The following ABCA7 variants were observed in gnomAD, a reference collection of about 807,000 sequenced individuals.
The protein encoded by ABCA7 is phospholipid-transporting ATPase ABCA7.
ABCA7 carries 261 observed loss-of-function variants against 227.6 expected under a neutral mutation model. The observed-to-expected ratio is 1.15, with a 90% CI of 1.04 to 1.27. ABCA7 has a LOEUF of 1.27. ABCA7 is among the 50% of genes most tolerant of loss of function. The pLI, the probability that ABCA7 is intolerant of heterozygous loss-of-function variation, is 0.00. For missense variants in ABCA7, 3,331 were observed against 2,924.5 expected (o/e 1.14, Z -3.21); for synonymous variants, 1,488 against 1,279.7 (o/e 1.16, Z -3.47).
Position 1,055,345 on chromosome 19 carries a change from G to T in ABCA7, c.4199G>T (p.Arg1400Leu), listed in dbSNP as rs145321888. The change falls in exon 30 of 47, where the codon CGC becomes CTC. Residue 1400 changes from arginine (R) to leucine (L), a missense_variant. Transcript: ENST00000263094. ...GTCAAGACCTACCCGCGCCTGGTGCGCCAGGGGTGAGCCATGCCCTGGGAC... is the reference window on the plus strand; with the variant it reads ...GTCAAGACCTACCCGCGCCTGGTGCTCCAGGGGTGAGCCATGCCCTGGGAC... ...FLVKTYPRLVRQGLKTKKWVN... is the reference protein window; with the variant it reads ...FLVKTYPRLVLQGLKTKKWVN... The T allele has an allele frequency of 1.9e-5, 30 of 1,582,192 alleles. No homozygotes were observed. Among genetic ancestry groups the T allele is most frequent in the Non-Finnish European group, 8.6e-7 (1 of 1,166,522 alleles).
Position 1,058,023 on chromosome 19 carries a change from C to T in ABCA7, c.4989C>T (p.Ser1663=). The change falls in exon 36 of 47, where the codon AGC becomes AGT. Residue 1663 remains serine, a synonymous_variant. Coordinates refer to ENST00000263094, the MANE Select transcript of ABCA7 (RefSeq NM_019112.4). The part of the protein sequence containing the change: ...CINLFIGING[S]MATFVLELFS... The stretch of plus-strand genomic sequence containing the variant: ...ACCTCTTTATTGGCATCAATGGAAG[C>T]ATGGCCACCTTTGTGCTTGAGCTCT... The T allele has an allele frequency of 6.2e-7, 1 of 1,614,162 alleles. No individual in the cohort carries two copies. The highest frequency in any genetic ancestry group is 2.2e-5 in the East Asian group (1 of 44,876).
chr19:1,064,208 A>G lies in ABCA7; in HGVS notation c.5999A>G (p.Asn2000Ser). 1 of 1,579,004 alleles carries G rather than the reference A, an allele frequency of 6.3e-7. No individual in the cohort carries two copies. The highest frequency in any genetic ancestry group is 8.6e-7 in the Non-Finnish European group (1 of 1,163,946). The change falls in exon 45 of 47, where the codon AAT becomes AGT. Residue 2000 changes from asparagine to serine, a missense_variant. Coordinates refer to ENST00000263094, the MANE Select transcript of ABCA7 (RefSeq NM_019112.4). Reference sequence around the variant, plus strand: ...TGCTCGCGCCTGGCCATCATGGTGAATGGGCGGTTCCGCTGCCTGGGCAGC... The same window carrying G: ...TGCTCGCGCCTGGCCATCATGGTGAGTGGGCGGTTCCGCTGCCTGGGCAGC... Reference protein sequence around the residue: ...ALCSRLAIMVNGRFRCLGSPQ... With the variant: ...ALCSRLAIMVSGRFRCLGSPQ...
chr19:1,048,392 A>C (rs1429329860), intron 16 of ABCA7, among the ~76,000 whole-genome samples: 1 of 148,528 alleles, frequency 6.7e-6, no homozygotes, highest in Non-Finnish European at 1.5e-5. Context: ...GCTACTTGGA[A>C]GGCAGAGGCA....
In ABCA7 at chr19:1,047,648, T is replaced by C. The variant is rs1326413446; in HGVS notation, c.2263T>C (p.Cys755Arg). Residue 755 changes from cysteine (C) to arginine (R), a missense_variant, in exon 16 of 47, where the codon TGC becomes CGC. Physicochemically the swap from Cys to Arg is radical, Grantham distance 180. Coordinates refer to ENST00000263094, the MANE Select transcript of ABCA7 (RefSeq NM_019112.4). ...CGCCACCTGGTACCTGGAAGCTGTG[T>C]GCCCAGGTGGGCCGTAGGGGGCGGG... ...GLATWYLEAV[C>R]PGQYGIPEPW... 3 of 1,594,624 alleles carry C rather than the reference T, an allele frequency of 1.9e-6. No individual in the cohort carries two copies. Among genetic ancestry groups the C allele is most frequent in the Non-Finnish European group, 2.6e-6 (3 of 1,175,484 alleles).
intron 18 of ABCA7, 139 bp from the exon 19 acceptor site, chr19:1,050,782 A>AAATAATAATAATAATAATAATAATAAT (rs145363837): frequency 2.8e-6 from 1 of 353,272 alleles, no homozygotes; most frequent in African/African-American, 2.4e-5. Context: ...TCCGTCTCAA[A>AAATAATAATAATAATAATAATAATAAT]AATAATAATA....
intron 40 of ABCA7, among the ~76,000 whole-genome samples, chr19:1,059,705 A>G (rs531238779): frequency 6.6e-6 from 1 of 152,024 alleles, no homozygotes; most frequent in South Asian, 2.1e-4. Flanking sequence ...CTGGGACTGC[A>G]GGCGCCTGCC....
At position 1,054,215 on chromosome 19, in the gene ABCA7, C is replaced by T. The variant is rs1327782673; in HGVS notation, c.3600C>T (p.Asp1200=). The part of the protein sequence containing the change: ...GEPAGSAPET[D]QGSGPDAVGR... ...CAGCTGGGTCAGCCCCAGAGACTGA[C>T]CAGGGCTCTGGGCCAGACGCCGTGG... Residue 1200 remains aspartate (D), a synonymous_variant, in exon 27 of 47, where the codon GAC becomes GAT. Coordinates refer to ENST00000263094, the MANE Select transcript of ABCA7 (RefSeq NM_019112.4). The surrounding 1 kb of genome is among the most constrained non-coding windows in gnomAD (Gnocchi z 4.8). 6.2e-7 allele frequency: 1 copy of T among 1,608,648 alleles called. No individual in the cohort carries two copies. The highest frequency in any genetic ancestry group is 2.2e-5 in the East Asian group (1 of 44,718).
intron 18 of ABCA7, 102 bp from the exon 19 acceptor site, chr19:1,050,819 A>T (rs1026732887): frequency 2.9e-5 from 19 of 648,500 alleles, no homozygotes; most frequent in Non-Finnish European, 8.3e-6. Context: ...TAATAATAAT[A>T]AATAATTAAA....
At chr19:1,045,976 C>T (rs1301450355) in intron 12 of ABCA7, among the ~76,000 whole-genome samples, 1 of 96,700 alleles carries the variant, frequency 1.0e-5, no homozygotes, top group Non-Finnish European at 2.8e-5. Flanking sequence ...CACTGCACTC[C>T]AGCCTGGGCG....
Position 1,047,527 on chromosome 19 carries a change from G to T in ABCA7, c.2142G>T (p.Ala714=). The T allele has an allele frequency of 1.3e-6, 2 of 1,594,864 alleles. No homozygotes were observed. ...LALLEEQGEG[A]QWHNVGTRPT... The stretch of plus-strand genomic sequence containing the variant: ...TGCTGGAGGAGCAGGGCGAGGGCGC[G>T]CAGTGGCACAACGTGGGCACCCGGC... Residue 714 remains alanine (A), a synonymous_variant, in exon 16 of 47, where the codon GCG becomes GCT. Transcript: ENST00000263094.
At chr19:1,063,480 A>G in intron 42 of ABCA7, 64 bp from the exon 43 acceptor site, 1 of 1,573,188 alleles carries the variant, frequency 6.4e-7, no homozygotes, top group Non-Finnish European at 8.6e-7. Flanking sequence ...GCCCCGCCAC[A>G]CTGTGGCCCT....
At chr19:1,046,660 T>A in intron 13 of ABCA7, 142 bp from the exon 14 acceptor site, 1 of 1,138,128 alleles carries the variant, frequency 8.8e-7, no homozygotes, top group Non-Finnish European at 1.2e-6. Context: ...AGCCAAAGGC[T>A]GGCTGGATCA....
chr19:1,043,554 A>G (rs919012985), intron 9 of ABCA7, 81 bp downstream of exon 9: 115 of 1,603,494 alleles, frequency 7.2e-5, no homozygotes, highest in Admixed American at 1.2e-4. Flanking sequence ...GGCCAGGGCC[A>G]GGCCGGAGGG....
chr19:1,047,485 C>A lies in ABCA7; in HGVS notation c.2100C>A (p.Gly700=). 1 of 1,569,116 alleles carries A rather than the reference C, an allele frequency of 6.4e-7. No homozygotes were observed. The highest frequency in any genetic ancestry group is 8.6e-7 in the Non-Finnish European group (1 of 1,162,444). ...TGTCGCCCGTGGCCTTCGGCTTCGG[C>A]TGCGAGAGCCTGGCTCTGCTGGAGG... The part of the protein sequence containing the change: ...SLLSPVAFGF[G]CESLALLEEQ... The change falls in exon 16 of 47, where the codon GGC becomes GGA. Residue 700 remains glycine (G), a synonymous_variant. Transcript: ENST00000263094.
chr19:1,043,036 T>A lies in ABCA7; in HGVS notation c.580-5T>A. 6.3e-7 allele frequency: 1 copy of A among 1,596,730 alleles called. No individual in the cohort carries two copies. The highest frequency in any genetic ancestry group is 8.6e-7 in the Non-Finnish European group (1 of 1,168,482). On this transcript the variant is annotated splice_region_variant and splice_polypyrimidine_tract_variant and intron_variant, in intron 7 of 46. Coordinates refer to ENST00000263094, the MANE Select transcript of ABCA7 (RefSeq NM_019112.4). ...TGCCAGCTCCGTCTGGTAACCTCTC[T>A]CTAGCTCCTGGCGCTGCGCAGCCTG...
chr19:1,040,772 G>T (rs1266650711), intron 1 of ABCA7, among the ~76,000 whole-genome samples: 2 of 152,188 alleles, frequency 1.3e-5, no homozygotes, highest in Admixed American at 1.3e-4. Context: ...CTCCAGCTGG[G>T]CAACTGCCTG....
chr19:1,050,782 A>AAAAAAT (rs1329198033), intron 18 of ABCA7, 139 bp from the exon 19 acceptor site: 6 of 358,184 alleles, frequency 1.7e-5, no homozygotes, highest in South Asian at 2.7e-4. Context: ...TCCGTCTCAA[A>AAAAAAT]AATAATAATA....
intron 18 of ABCA7, among the ~76,000 whole-genome samples, chr19:1,050,380 C>G (rs1211546686): frequency 2.7e-5 from 4 of 146,862 alleles, no homozygotes; most frequent in Admixed American, 1.3e-4. Context: ...CCGTTGCACT[C>G]CAGCCTGGGC....
At chr19:1,044,917 C>A in intron 11 of ABCA7, 85 bp from the exon 12 acceptor site, 1 of 1,539,598 alleles carries the variant, frequency 6.5e-7, no homozygotes. Context: ...AAACATGGCC[C>A]AGCCCCGAGG....
Sources: allele counts gnomAD v4.1 joint callset (sites outside exome capture counted in the v4.1 genomes callset), GRCh38; gene constraint gnomAD v4.1.1; non-coding constraint Gnocchi (gnomAD v3.1); transcripts MANE v1.5; gene names NCBI Gene and HGNC (gene_info 2026-07-23, HGNC 2026-07-21).